The following PRKCZ variants were observed in gnomAD, a reference collection of about 807,000 sequenced individuals.
PRKCZ encodes the protein protein kinase C zeta type.
A neutral mutation model predicts 79.5 loss-of-function variants in PRKCZ; 33 were observed. That is an observed-to-expected ratio of 0.41 (90% CI 0.31 to 0.55). The LOEUF is 0.55. Among genes scored for constraint, PRKCZ ranks in the 20% least tolerant of loss-of-function variants. The pLI is 0.19. For synonymous variants in PRKCZ, 342 were observed against 320.9 expected (o/e 1.07, Z -0.70); for missense variants, 578 against 813.5 (o/e 0.71, Z 3.52).
chr1:2,176,432 C>T (rs1299518180), intron 16 of PRKCZ, among the ~76,000 whole-genome samples: 3 of 152,122 alleles, frequency 2.0e-5, no homozygotes, highest in Non-Finnish European at 2.9e-5. Context: ...GCAGTCTCCA[C>T]CTAGGATGTT....
intron 4 of PRKCZ, among the ~76,000 whole-genome samples, chr1:2,108,308 G>A (rs575925630): frequency 8.5e-5 from 13 of 152,356 alleles, no homozygotes; most frequent in Non-Finnish European, 1.5e-5. Flanking sequence ...CCTCCAGGAA[G>A]CCTGCCTGGC....
At chr1:2,071,410 G>T (rs1433084732) in intron 4 of PRKCZ, 1 of 403,310 alleles carries the variant, frequency 2.5e-6, no homozygotes, top group Admixed American at 2.9e-5. Context: ...GTGGAACAGT[G>T]GGGACGCTGC....
At position 2,146,128 on chromosome 1, in the gene PRKCZ, G is replaced by T. The variant is rs199944936; in HGVS notation, c.634+20G>T. The T allele has an allele frequency of 1.7e-5, 27 of 1,604,436 alleles. No homozygotes were observed. The African/African-American group carries it at 1.9e-4, about 11-fold the overall frequency. On this transcript the variant is annotated intron_variant, in intron 7 of 17. Coordinates refer to ENST00000378567, the MANE Select transcript of PRKCZ (RefSeq NM_002744.6). ...ATGGAAGTAGGCGCTGCTTTCTTCCGGCCGGGTAGAGCCTGGGCATCACCT... is the reference window on the plus strand; with the variant it reads ...ATGGAAGTAGGCGCTGCTTTCTTCCTGCCGGGTAGAGCCTGGGCATCACCT...
chr1:2,092,141 G>A (rs1042704102), intron 4 of PRKCZ, among the ~76,000 whole-genome samples: 8 of 152,104 alleles, frequency 5.3e-5, no homozygotes, highest in Non-Finnish European at 1.0e-4. Flanking sequence ...CATGCCAGCC[G>A]CCCCCTTGGC....
chr1:2,084,038 C>T (rs1664058076), intron 4 of PRKCZ, among the ~76,000 whole-genome samples: 1 of 152,156 alleles, frequency 6.6e-6, no homozygotes, highest in Non-Finnish European at 1.5e-5. Flanking sequence ...TCGAGACCAG[C>T]CTGGCCAATG....
At chr1:2,115,711 A>G (rs72907462) in intron 4 of PRKCZ, among the ~76,000 whole-genome samples, 3,334 of 152,298 alleles carry the variant, frequency 0.022, 96 homozygotes, top group African/African-American at 0.068. Flanking sequence ...CCCGGAACTC[A>G]GGAAAACACT....
At chr1:2,076,893 C>T (rs138160010) in intron 4 of PRKCZ, among the ~76,000 whole-genome samples, 18 of 152,304 alleles carry the variant, frequency 1.2e-4, no homozygotes, top group East Asian at 3.9e-4. Flanking sequence ...CATCGGGGCC[C>T]GGCAGCTCAT....
intron 4 of PRKCZ, among the ~76,000 whole-genome samples, chr1:2,067,143 A>G (rs1661185330): frequency 6.6e-6 from 1 of 152,112 alleles, no homozygotes. Context: ...TACTTTGGAT[A>G]ATGTCTGTTT....
intron 10 of PRKCZ, among the ~76,000 whole-genome samples, chr1:2,160,423 G>C (rs887439285): frequency 6.6e-6 from 1 of 152,192 alleles, no homozygotes; most frequent in Non-Finnish European, 1.5e-5. Flanking sequence ...CCGTGGAGAG[G>C]GGGGCAGGCA....
chr1:2,144,119 T>C (rs1000802699), intron 5 of PRKCZ, 91 bp from the exon 6 acceptor site: 11 of 1,477,742 alleles, frequency 7.4e-6, no homozygotes, highest in Middle Eastern at 2.1e-4. Context: ...AGTGTCCTCT[T>C]TTGAGAAGGT....
chr1:2,056,395 A>G lies in PRKCZ; in HGVS notation c.194-89A>G, dbSNP rs1347874960. On this transcript the variant is annotated intron_variant, in intron 2 of 17. Transcript: ENST00000378567. The stretch of plus-strand genomic sequence containing the variant: ...GCATCGGGACTTTGCCCCCCACCAG[A>G]CCCTTGTCTGGTGTGCTGAGCGGGC... 1.2e-5 allele frequency: 14 copies of G among 1,215,700 alleles called. No individual in the cohort carries two copies. The Admixed American group carries it at 3.0e-4, about 26-fold the overall frequency. The allele number at this position is 1,215,700 out of a possible 1,614,324, so 75.3% of individuals were successfully genotyped here. A position where few individuals can be genotyped will look rare whatever the true frequency, so the allele number is the denominator to read the frequency against.
intron 4 of PRKCZ, chr1:2,073,700 CA>C: frequency 1.0e-6 from 1 of 992,578 alleles, no homozygotes; most frequent in African/African-American, 1.7e-5. Flanking sequence ...AGCCGGGTAC[CA>C]CCCGGGCCTG....
intron 3 of PRKCZ, among the ~76,000 whole-genome samples, chr1:2,058,820 C>G (rs965270644): frequency 3.3e-5 from 5 of 152,058 alleles, no homozygotes; most frequent in Non-Finnish European, 5.9e-5. Flanking sequence ...TGCTGGAACC[C>G]GAGAGGTGGA....
chr1:2,184,685 AC>A lies in PRKCZ; in HGVS notation c.1682del (p.Pro561GlnfsTer7). On this transcript the variant is annotated frameshift_variant, in exon 17 of 18. Coordinates refer to ENST00000378567, the MANE Select transcript of PRKCZ (RefSeq NM_002744.6). LOFTEE classifies it high-confidence loss of function. The stretch of plus-strand genomic sequence containing the variant: ...GTTCACCAGCGAGCCCGTGCAGCTG[AC>A]CCCAGACGATGAGTGAGTCCCACTG... ...TQFTSEPVQLTPDDEDAIKRI... is the reference protein window; with the variant it reads ...TQFTSEPVQLXPDDEDAIKRI... The A allele has an allele frequency of 6.2e-7, 1 of 1,613,394 alleles. No homozygotes were observed. The highest frequency in any genetic ancestry group is 8.5e-7 in the Non-Finnish European group (1 of 1,179,714).
chr1:2,171,925 C>A, intron 11 of PRKCZ, 130 bp from the exon 12 acceptor site: 1 of 1,194,936 alleles, frequency 8.4e-7, no homozygotes, highest in Non-Finnish European at 1.1e-6. Flanking sequence ...ACTTTCAAAT[C>A]CTGGGCCTGG....
chr1:2,166,209 AGG>A (rs1239770959), intron 10 of PRKCZ, among the ~76,000 whole-genome samples: 1 of 152,154 alleles, frequency 6.6e-6, no homozygotes, highest in Non-Finnish European at 1.5e-5. Context: ...ACTTGAGGCC[AGG>A]GGTTCAAGAC....
chr1:2,050,433 C>A lies in PRKCZ; in HGVS notation c.-198C>A. On this transcript the variant is annotated 5_prime_UTR_variant, in exon 1 of 18. Transcript: ENST00000378567. ...CATGTTCGGACACCGCCCCCCGCCC[C>A]CGCCGGACGGTCCCGCCCCGCGCGC... is the stretch of plus-strand genomic sequence containing the variant. 1 of 193,884 alleles carries A rather than the reference C, an allele frequency of 5.2e-6. No homozygotes were observed. The highest frequency in any genetic ancestry group is 1.7e-4 in the South Asian group (1 of 5,986). The allele number at this position is 193,884 out of a possible 1,614,324, so 12.0% of individuals were successfully genotyped here.
chr1:2,121,740 A>G lies in PRKCZ; in HGVS notation c.335-13522A>G, dbSNP rs1250915441. On this transcript the variant is annotated intron_variant, in intron 4 of 17. Coordinates refer to ENST00000378567, the MANE Select transcript of PRKCZ (RefSeq NM_002744.6). ...TAGGGTCACGGCGGTACTTAGGGTC[A>G]CGGCGGTGGTTAGGGTCACGGCGGT... 1.0e-4 allele frequency among the ~76,000 whole-genome samples: 5 copies of G among 48,848 alleles called. 1 individual carries two copies. In the East Asian group the frequency reaches 5.3e-3, roughly 52 times the overall value. The allele number at this position is 48,848 out of a possible 152,430, so 32.0% of individuals were successfully genotyped here. A position where few individuals can be genotyped will look rare whatever the true frequency, so the allele number is the denominator to read the frequency against.
Position 2,094,940 on chromosome 1 carries a change from G to T in PRKCZ, c.334+35349G>T, listed in dbSNP as rs1666197417. ...GCCCTGGGTTCCCTGCTCCATGCCA[G>T]TTCTCTCCCTGCCCCCGCCGGCATG... On this transcript the variant is annotated intron_variant, in intron 4 of 17. Transcript: ENST00000378567. The surrounding 1 kb of genome is among the most constrained non-coding windows in gnomAD (Gnocchi z 7.3). Among the ~76,000 whole-genome samples the T allele has an allele frequency of 6.6e-6, 1 of 152,158 alleles. No homozygotes were observed. Among genetic ancestry groups the T allele is most frequent in the South Asian group, 2.1e-4 (1 of 4,836 alleles).
Sources: allele counts gnomAD v4.1 joint callset (sites outside exome capture counted in the v4.1 genomes callset), GRCh38; gene constraint gnomAD v4.1.1; non-coding constraint Gnocchi (gnomAD v3.1); transcripts MANE v1.5; gene names NCBI Gene and HGNC (gene_info 2026-07-23, HGNC 2026-07-21).